Variants in TRHDE observed in about 807,000 individuals in gnomAD.
The protein encoded by TRHDE is thyrotropin-releasing hormone-degrading ectoenzyme.
A neutral mutation model predicts 125.7 loss-of-function variants in TRHDE; 72 were observed. That is an observed-to-expected ratio of 0.57 (90% CI 0.47 to 0.70). The LOEUF (loss-of-function observed/expected upper bound fraction) is 0.70, where lower values mean the gene tolerates loss of function less well. Among genes scored for constraint, TRHDE ranks in the 30% least tolerant of loss-of-function variants. TRHDE has a pLI of 0.00. For missense variants in TRHDE, 1,110 were observed against 1,327.1 expected, an observed-to-expected ratio of 0.84 and a Z score of 2.54; for synonymous variants, 509 against 509.1, an observed-to-expected ratio of 1.00 and a Z score of 0.00.
Position 72,422,198 on chromosome 12 carries a change from A to G in TRHDE, c.1315+44077A>G, listed in dbSNP as rs564740259. On this transcript the variant is annotated intron_variant, in intron 3 of 18. Coordinates refer to ENST00000261180, the MANE Select transcript of TRHDE (RefSeq NM_013381.3). ...GGGTTTTATGGTTCTTAGAACAGTG[A>G]CAAGAGGAGAAAATCTTGCCAATTT... Among the ~76,000 whole-genome samples, 5 of 152,252 alleles carry G rather than the reference A, an allele frequency of 3.3e-5. No homozygotes were observed. The East Asian group carries it at 5.8e-4, about 18-fold the overall frequency.
intron 3 of TRHDE, among the ~76,000 whole-genome samples, chr12:72,458,900 A>C (rs1397529641): frequency 2.6e-5 from 4 of 152,164 alleles, no homozygotes; most frequent in African/African-American, 4.8e-5. Flanking sequence ...AATAATTATA[A>C]AGGTAATGAT....
At chr12:72,518,288 T>C (rs979423399) in intron 6 of TRHDE, among the ~76,000 whole-genome samples, 21 of 144,852 alleles carry the variant, frequency 1.4e-4, no homozygotes, top group Admixed American at 4.8e-4. Context: ...CTAAGTCTCT[T>C]TGTAGGTCAC....
At chr12:72,541,529 C>T (rs1869148213) in intron 6 of TRHDE, among the ~76,000 whole-genome samples, 1 of 151,312 alleles carries the variant, frequency 6.6e-6, no homozygotes, top group Non-Finnish European at 1.5e-5. Flanking sequence ...TGGATGTATG[C>T]AGCTAAATAC....
At chr12:72,341,681 A>T (rs1006328782) in intron 2 of TRHDE, among the ~76,000 whole-genome samples, 2 of 152,106 alleles carry the variant, frequency 1.3e-5, no homozygotes, top group Non-Finnish European at 2.9e-5. Flanking sequence ...TAGTGCATTA[A>T]TGTAGATGAG....
chr12:72,169,428 G>C (rs1324231362), intron 2 of TRHDE, among the ~76,000 whole-genome samples: 1 of 152,146 alleles, frequency 6.6e-6, no homozygotes, highest in Non-Finnish European at 1.5e-5. Context: ...ATATCTGGAG[G>C]CTAGACGTCT....
intron 3 of TRHDE, among the ~76,000 whole-genome samples, chr12:72,430,171 T>C (rs1008567731): frequency 4.0e-5 from 6 of 150,358 alleles, no homozygotes; most frequent in African/African-American, 1.2e-4. Context: ...CTAGTTGTTT[T>C]GGTGCATGAT....
At chr12:72,209,443 C>A (rs1344972624) in intron 2 of TRHDE, among the ~76,000 whole-genome samples, 3 of 152,194 alleles carry the variant, frequency 2.0e-5, no homozygotes, top group Non-Finnish European at 4.4e-5. Context: ...GGAAAAGGAA[C>A]AAACCCTATG....
At chr12:72,646,797 A>AC (rs1874299483) in intron 15 of TRHDE, among the ~76,000 whole-genome samples, 2 of 152,124 alleles carry the variant, frequency 1.3e-5, no homozygotes, top group African/African-American at 2.4e-5. Flanking sequence ...CAAATTATAA[A>AC]CATATATGCA....
At chr12:72,484,926 G>C (rs961311583) in intron 5 of TRHDE, among the ~76,000 whole-genome samples, 1 of 152,114 alleles carries the variant, frequency 6.6e-6, no homozygotes, top group Non-Finnish European at 1.5e-5. Flanking sequence ...AAATCTAGTA[G>C]AGCACAGAAA....
intron 7 of TRHDE, among the ~76,000 whole-genome samples, chr12:72,549,186 T>C (rs1282584413): frequency 6.6e-6 from 1 of 151,846 alleles, no homozygotes; most frequent in East Asian, 1.9e-4. Context: ...CTGAAGGTAA[T>C]GACAGGCACA....
chr12:72,446,101 CA>C (rs1875265452), intron 3 of TRHDE, among the ~76,000 whole-genome samples: 1 of 150,164 alleles, frequency 6.7e-6, no homozygotes, highest in Non-Finnish European at 1.5e-5. Flanking sequence ...GGGGACCTGT[CA>C]AAATCCAAAT....
In TRHDE at chr12:72,273,270, C is replaced by T. The variant is rs770084539; in HGVS notation, c.627C>T (p.Ser209=). The T allele has an allele frequency of 6.2e-7, 1 of 1,614,098 alleles. No individual in the cohort carries two copies. Among genetic ancestry groups the T allele is most frequent in the East Asian group, 2.2e-5 (1 of 44,864 alleles). The part of the protein sequence containing the change: ...LTAFMENFTF[S]GEVNVEIACR... ...CCTTCATGGAGAACTTCACCTTCTC[C>T]GGGGAGGTCAACGTGGAGATCGCGT... The change falls in exon 1 of 19, where the codon TCC becomes TCT. Residue 209 remains serine, a synonymous_variant. Transcript: ENST00000261180. The surrounding 1 kb of genome is among the most constrained non-coding windows in gnomAD (Gnocchi z 5.3).
intron 6 of TRHDE, among the ~76,000 whole-genome samples, chr12:72,500,396 CT>C (rs200145339): frequency 6.6e-6 from 1 of 151,300 alleles, no homozygotes; most frequent in African/African-American, 2.4e-5. Flanking sequence ...TTTCTATGTA[CT>C]TTTTTTTTCT....
At chr12:72,543,338 T>G (rs890738816) in intron 7 of TRHDE, among the ~76,000 whole-genome samples, 2 of 151,592 alleles carry the variant, frequency 1.3e-5, no homozygotes, top group East Asian at 1.9e-4. Context: ...AATAAATTTT[T>G]TGAAGAATAA....
chr12:72,545,999 T>C (rs1489788492), intron 7 of TRHDE, among the ~76,000 whole-genome samples: 1 of 151,640 alleles, frequency 6.6e-6, no homozygotes, highest in African/African-American at 2.4e-5. Context: ...TCCTCCTTGA[T>C]GAGTGACGTT....
chr12:72,198,386 G>A (rs1877486352), intron 2 of TRHDE, among the ~76,000 whole-genome samples: 1 of 152,008 alleles, frequency 6.6e-6, no homozygotes, highest in African/African-American at 2.4e-5. Flanking sequence ...ATAAGGATAT[G>A]CTTTATGAGG....
chr12:72,325,437 C>T, intron 2 of TRHDE, among the ~76,000 whole-genome samples: 1 of 151,996 alleles, frequency 6.6e-6, no homozygotes, highest in Non-Finnish European at 1.5e-5. Flanking sequence ...ACCAAACAGC[C>T]TTTTGTAAAG....
chr12:72,303,361 G>T (rs928156537), intron 2 of TRHDE: 4 of 152,042 alleles, frequency 2.6e-5, no homozygotes, highest in African/African-American at 9.7e-5. Context: ...CTTTAGGGAT[G>T]GTTTGTGGGT....
At chr12:72,488,508 AG>A (rs1877515293) in intron 5 of TRHDE, among the ~76,000 whole-genome samples, 1 of 152,090 alleles carries the variant, frequency 6.6e-6, no homozygotes, top group African/African-American at 2.4e-5. Context: ...AAATATGTAA[AG>A]CATGTATTAA....
Sources: gnomAD v4.1 joint callset for allele counts (sites outside exome capture counted in the v4.1 genomes callset) on GRCh38, gnomAD v4.1.1 for gene constraint, Gnocchi (gnomAD v3.1) non-coding constraint, MANE v1.5 for transcripts, NCBI Gene and HGNC (gene_info 2026-07-23, HGNC 2026-07-21) for gene names.